LITAF: variants seen among roughly 807,000 people sequenced by gnomAD.
LITAF encodes the protein lipopolysaccharide induced TNF factor.
Under a neutral mutation model 14.5 loss-of-function variants are expected in LITAF, and 9 were observed. The observed-to-expected ratio is 0.62, with a 90% confidence interval of 0.37 to 1.08. The LOEUF is 1.08. LITAF is among the 50% of genes least tolerant of loss of function. The pLI is 0.01. For synonymous variants in LITAF, 98 were observed against 88.2 expected (o/e 1.11, Z -0.62); for missense variants, 206 against 213.4 (o/e 0.97, Z 0.22).
chr16:11,620,328 G>A (rs987652091), intron 3 of LITAF, among the ~76,000 whole-genome samples: 1 of 152,036 alleles, frequency 6.6e-6, no homozygotes, highest in African/African-American at 2.4e-5. Flanking sequence ...TGAGTTCATG[G>A]GAGATCTGAT....
chr16:11,614,811 T>C (rs552282632), intron 3 of LITAF, among the ~76,000 whole-genome samples: 75 of 152,372 alleles, frequency 4.9e-4, no homozygotes, highest in African/African-American at 1.7e-3. Context: ...TCCTCTGATA[T>C]GCCTACTAGA....
At chr16:11,624,063 T>A (rs1291622682) in intron 3 of LITAF, among the ~76,000 whole-genome samples, 1 of 152,132 alleles carries the variant, frequency 6.6e-6, no homozygotes, top group African/African-American at 2.4e-5. Context: ...GGCAGGAGGA[T>A]CACTTAAGCT....
chr16:11,583,650 T>C (rs1018168181), intron 1 of LITAF, among the ~76,000 whole-genome samples: 3 of 152,172 alleles, frequency 2.0e-5, no homozygotes, highest in Non-Finnish European at 4.4e-5. Flanking sequence ...TATCAGTGCA[T>C]CATCTAGGAA....
chr16:11,560,917 T>C (rs1435985898), intron 1 of LITAF, among the ~76,000 whole-genome samples: 1 of 152,126 alleles, frequency 6.6e-6, no homozygotes, highest in Non-Finnish European at 1.5e-5. Flanking sequence ...GGAACAGAAA[T>C]GCAGCAGTCC....
intron 1 of LITAF, chr16:11,636,196 T>C (rs2065137510): frequency 6.6e-6 from 1 of 152,126 alleles, no homozygotes; most frequent in Non-Finnish European, 1.5e-5. Flanking sequence ...TTGCTCCAGA[T>C]GGAATGGGTG....
At chr16:11,616,458 ACAG>A (rs1423387892) in intron 3 of LITAF, among the ~76,000 whole-genome samples, 3 of 150,846 alleles carry the variant, frequency 2.0e-5, no homozygotes, top group African/African-American at 7.3e-5. Flanking sequence ...GCCATGGGTG[ACAG>A]GGTGAGACCC....
rs1293392450 is a variant in LITAF at position 11,548,412 on chromosome 16, C to A, written c.*1225G>T. 2.2e-6 allele frequency: 1 copy of A among 453,972 alleles called. No homozygotes were observed. Among genetic ancestry groups the A allele is most frequent in the Non-Finnish European group, 4.4e-6 (1 of 226,778 alleles). 28.1% of individuals were successfully genotyped at this position (453,972 alleles called of 1,614,324 possible). On this transcript the variant is annotated 3_prime_UTR_variant, in exon 4 of 4. Transcript: ENST00000622633. ...AGATTCCTCTGAAACAGTTCTGGTT[C>A]CCAAGCATCCGCACCATGGTACCCA... is the stretch of plus-strand genomic sequence containing the variant.
intron 2 of LITAF, chr16:11,556,254 C>T: frequency 1.8e-6 from 1 of 544,682 alleles, no homozygotes. Flanking sequence ...TTGGTTGTGC[C>T]TCCAAGAGAT....
chr16:11,560,971 C>T (rs770340623), intron 1 of LITAF, among the ~76,000 whole-genome samples: 18 of 152,118 alleles, frequency 1.2e-4, no homozygotes, highest in Admixed American at 1.3e-4. Context: ...CAGATGACCC[C>T]GGGAACCCCT....
chr16:11,577,307 G>C (rs2064653636), intron 1 of LITAF, among the ~76,000 whole-genome samples: 1 of 145,384 alleles, frequency 6.9e-6, no homozygotes, highest in African/African-American at 2.6e-5. Flanking sequence ...CAGCTCATTA[G>C]AAGTGTCTAT....
rs2065046742 is a variant in LITAF at position 11,620,974 on chromosome 16, C to A, written c.85+12559G>T. ...GCAGTGGTGCCATCATGGCTTACTG[C>A]AGCCTCAACTTTCTGGGCTCAGGTG... is the stretch of plus-strand genomic sequence containing the variant. On this transcript the variant is annotated intron_variant, in intron 3 of 3. Coordinates refer to the LITAF transcript ENST00000574848. Among the ~76,000 whole-genome samples the A allele has an allele frequency of 2.0e-5, 3 of 152,312 alleles. No homozygotes were observed. In the South Asian group the frequency reaches 6.2e-4, roughly 32 times the overall value.
At chr16:11,552,901 G>C (rs562420287) in intron 3 of LITAF, among the ~76,000 whole-genome samples, 2 of 152,162 alleles carry the variant, frequency 1.3e-5, no homozygotes, top group East Asian at 3.9e-4. Context: ...ACCACCTGAG[G>C]TCAGGAGTTC....
intron 3 of LITAF, among the ~76,000 whole-genome samples, chr16:11,607,147 G>T (rs1175727536): frequency 6.6e-6 from 1 of 152,154 alleles, no homozygotes; most frequent in Non-Finnish European, 1.5e-5. Context: ...TGTGGACCAC[G>T]TTTTCTGTTC....
intron 3 of LITAF, among the ~76,000 whole-genome samples, chr16:11,604,770 T>C (rs1347275239): frequency 6.6e-6 from 1 of 151,826 alleles, no homozygotes; most frequent in African/African-American, 2.4e-5. Flanking sequence ...CTTTTCTTTT[T>C]TTTTTTTTAG....
Position 11,548,582 on chromosome 16 carries a change from C to A in LITAF, c.*1055G>T. The A allele has an allele frequency of 4.6e-6, 2 of 437,572 alleles. No homozygotes were observed. Among genetic ancestry groups the A allele is most frequent in the South Asian group, 3.3e-5 (2 of 61,386 alleles). The allele number at this position is 437,572 out of a possible 1,614,324, so 27.1% of individuals were successfully genotyped here. ...AGGCAGTAGATGAAATTATCCATTT[C>A]TTTTTCTTTTTTTTTTTTTTAAGTG... On this transcript the variant is annotated 3_prime_UTR_variant, in exon 4 of 4. Coordinates refer to ENST00000622633, the MANE Select transcript of LITAF (RefSeq NM_001136472.2).
rs375558437 is a variant in LITAF, at chr16:11,567,086, C to G, written c.-5-10351G>C. 5.6e-4 allele frequency among the ~76,000 whole-genome samples: 85 copies of G among 152,036 alleles called. 4 individuals carry two copies. The highest frequency in any genetic ancestry group is 1.9e-3 in the African/African-American group (79 of 41,512). ...GTGTATTGTTTCTCAACAGGGCACC[C>G]TAGGATGTCCAGGCAGGAGGAGATC... On this transcript the variant is annotated intron_variant, in intron 1 of 3. Transcript: ENST00000622633.
upstream of LITAF, chr16:11,587,227 C>G: frequency 1.3e-5 from 5 of 381,836 alleles, no homozygotes; most frequent in South Asian, 9.4e-5. Flanking sequence ...CCAGCCCCAC[C>G]CGTCCGCCCC....
At position 11,549,289 on chromosome 16, in the gene LITAF, C is replaced by T. The variant is rs1373115242; in HGVS notation, c.*348G>A. 2.2e-6 allele frequency: 1 copy of T among 445,926 alleles called. No homozygotes were observed. The highest frequency in any genetic ancestry group is 4.5e-6 in the Non-Finnish European group (1 of 221,288). 27.6% of individuals were successfully genotyped at this position (445,926 alleles called of 1,614,324 possible). A position where few individuals can be genotyped will look rare whatever the true frequency, so the allele number is the denominator to read the frequency against. The stretch of plus-strand genomic sequence containing the variant: ...GTTTGAGACTGCCACCAGAAAGGCC[C>T]ATGGAAGCAGGAAAAAAGAGCCACT... On this transcript the variant is annotated 3_prime_UTR_variant, in exon 4 of 4. Coordinates refer to ENST00000622633, the MANE Select transcript of LITAF (RefSeq NM_001136472.2). This position sits in a 1 kb window ranked among gnomAD's most constrained non-coding sequence, Gnocchi z 4.6.
At chr16:11,630,791 T>C (rs1198906889) in intron 3 of LITAF, among the ~76,000 whole-genome samples, 1 of 151,928 alleles carries the variant, frequency 6.6e-6, no homozygotes, top group East Asian at 1.9e-4. Context: ...CGGGGTGGTC[T>C]CACTATGTTG....
Sources: allele counts gnomAD v4.1 joint callset (sites outside exome capture counted in the v4.1 genomes callset), GRCh38; gene constraint gnomAD v4.1.1; non-coding constraint Gnocchi (gnomAD v3.1); transcripts MANE v1.5; gene names NCBI Gene and HGNC (gene_info 2026-07-23, HGNC 2026-07-21).